Variants in GABRA3 observed in about 807,000 individuals in gnomAD.
The protein encoded by GABRA3 is gamma-aminobutyric acid type A receptor subunit alpha3, also known as gamma-aminobutyric acid receptor subunit alpha-3.
Under a neutral mutation model 30.1 loss-of-function variants are expected in GABRA3, and 10 were observed. The ratio of observed to expected loss-of-function variants is 0.33; its 90% confidence interval spans 0.20 to 0.56. GABRA3 has a LOEUF of 0.56. GABRA3 is among the 20% of genes least tolerant of loss of function. GABRA3 has a pLI of 0.89. For missense variants in GABRA3, 233 were observed against 392.0 expected, an observed-to-expected ratio of 0.59 and a Z score of 3.42; for synonymous variants, 151 against 146.8, an observed-to-expected ratio of 1.03 and a Z score of -0.21.
intron 1 of GABRA3, among the ~76,000 whole-genome samples, chrX:152,411,086 G>T (rs1290323086): frequency 8.9e-6 from 1 of 111,886 alleles, no homozygotes; most frequent in Non-Finnish European, 1.9e-5. Context: ...AAGGTGGGAA[G>T]ATCGCTTGCA....
intron 4 of GABRA3, among the ~76,000 whole-genome samples, chrX:152,268,886 A>AT (rs1159452653): frequency 9.0e-6 from 1 of 111,210 alleles, no homozygotes. Flanking sequence ...TTACTACTTA[A>AT]TTTTTTCATT....
chrX:152,424,296 CT>C (rs1212888626), intron 1 of GABRA3, among the ~76,000 whole-genome samples: 2 of 109,369 alleles, frequency 1.8e-5, no homozygotes, highest in South Asian at 4.0e-4. Context: ...ATTTTACCCC[CT>C]AACACCCCCT....
chrX:152,401,853 G>A (rs1929804681), intron 1 of GABRA3, among the ~76,000 whole-genome samples: 1 of 111,434 alleles, frequency 9.0e-6, no homozygotes, highest in Non-Finnish European at 1.9e-5. Flanking sequence ...TTTGGATAAG[G>A]CCATGTAGAA....
intron 1 of GABRA3, among the ~76,000 whole-genome samples, chrX:152,371,888 G>A (rs376265679): frequency 2.7e-5 from 3 of 111,336 alleles, no homozygotes; most frequent in African/African-American, 9.8e-5. Flanking sequence ...ACAAGAACAC[G>A]GGACCAAGGA....
chrX:152,432,616 C>A (rs901279511), intron 1 of GABRA3, among the ~76,000 whole-genome samples: 2 of 110,980 alleles, frequency 1.8e-5, no homozygotes, highest in African/African-American at 3.3e-5. Context: ...AACATCAAAT[C>A]TCCCTCCTAA....
At chrX:152,375,666 C>A (rs945363550) in intron 1 of GABRA3, among the ~76,000 whole-genome samples, 2 of 112,080 alleles carry the variant, frequency 1.8e-5, no homozygotes, top group African/African-American at 6.5e-5. Context: ...TGGGATCAAT[C>A]CACAAACAAT....
intron 3 of GABRA3, among the ~76,000 whole-genome samples, chrX:152,294,466 T>C (rs1421387951): frequency 9.0e-6 from 1 of 111,683 alleles, no homozygotes; most frequent in Non-Finnish European, 1.9e-5. Context: ...TGCCATGGTT[T>C]TCAGCTCCAT....
chrX:152,167,142 C>T lies in GABRA3; in HGVS notation c.*1086G>A, dbSNP rs1328212599. 3 of 110,657 alleles carry T rather than the reference C, an allele frequency of 2.7e-5. No individual in the cohort carries two copies. The highest frequency in any genetic ancestry group is 9.9e-5 in the African/African-American group (3 of 30,410). 9.1% of individuals were successfully genotyped at this position (110,657 alleles called of 1,213,427 possible). A position where few individuals can be genotyped will look rare whatever the true frequency, so the allele number is the denominator to read the frequency against. ...CGGCATCAACAGAGGACCGGAGGTT[C>T]CCGATATGGTGGGAGAAAAGTGCCT... On this transcript the variant is annotated 3_prime_UTR_variant, in exon 10 of 10. Transcript: ENST00000370314.
At chrX:152,278,854 T>C (rs1361905470) in intron 4 of GABRA3, among the ~76,000 whole-genome samples, 2 of 112,446 alleles carry the variant, frequency 1.8e-5, no homozygotes, top group Admixed American at 9.5e-5. Flanking sequence ...ATTTCTCTGA[T>C]TGCCACTGAT....
At chrX:152,397,399 C>CT (rs781612852) in intron 1 of GABRA3, among the ~76,000 whole-genome samples, 1 of 112,193 alleles carries the variant, frequency 8.9e-6, no homozygotes, top group East Asian at 2.8e-4. Flanking sequence ...AAACAAAAAT[C>CT]TTTTTCCTTT....
intron 3 of GABRA3, among the ~76,000 whole-genome samples, chrX:152,316,431 T>C (rs1939879229): frequency 8.9e-6 from 1 of 111,754 alleles, no homozygotes; most frequent in Non-Finnish European, 1.9e-5. Flanking sequence ...TTGGAAAGCA[T>C]ATTTGGGGGA....
chrX:152,426,566 T>G (rs1930519747), intron 1 of GABRA3, among the ~76,000 whole-genome samples: 1 of 111,778 alleles, frequency 8.9e-6, no homozygotes, highest in African/African-American at 3.2e-5. Flanking sequence ...AGATTCTATC[T>G]CACTTCTAAG....
chrX:152,366,361 C>T (rs1450358288), intron 1 of GABRA3, among the ~76,000 whole-genome samples: 3 of 111,660 alleles, frequency 2.7e-5, no homozygotes, highest in African/African-American at 6.5e-5. Context: ...ATGATGCATG[C>T]TTAGAAAACA....
At chrX:152,180,682 T>G in intron 9 of GABRA3, among the ~76,000 whole-genome samples, 1 of 112,207 alleles carries the variant, frequency 8.9e-6, no homozygotes, top group Non-Finnish European at 1.9e-5. Flanking sequence ...GCATTACATT[T>G]AAACCTTTAA....
intron 9 of GABRA3, among the ~76,000 whole-genome samples, chrX:152,184,809 C>T (rs777360102): frequency 9.0e-6 from 1 of 111,174 alleles, no homozygotes; most frequent in Non-Finnish European, 1.9e-5. Flanking sequence ...CTCATTTTAG[C>T]GGAATCTTCA....
chrX:152,290,809 A>G (rs1939397699), intron 3 of GABRA3, among the ~76,000 whole-genome samples: 1 of 111,933 alleles, frequency 8.9e-6, no homozygotes, highest in African/African-American at 3.3e-5. Flanking sequence ...GGTTTGTCAA[A>G]GATCAGATAG....
chrX:152,172,953 C>T (rs916524098), intron 9 of GABRA3, among the ~76,000 whole-genome samples: 18 of 59,488 alleles, frequency 3.0e-4, no homozygotes, highest in African/African-American at 1.2e-3. Flanking sequence ...AGTATGTGTA[C>T]ACACACACAC....
At chrX:152,247,949 T>C (rs1170568828) in intron 5 of GABRA3, among the ~76,000 whole-genome samples, 2 of 111,380 alleles carry the variant, frequency 1.8e-5, no homozygotes, top group African/African-American at 6.5e-5. Context: ...GTGGTGGTTG[T>C]TGTCGTTAAT....
At chrX:152,433,462 A>C (rs762062165) in intron 1 of GABRA3, among the ~76,000 whole-genome samples, 2 of 109,865 alleles carry the variant, frequency 1.8e-5, no homozygotes, top group East Asian at 5.7e-4. Flanking sequence ...TCAATTAGAA[A>C]ATATAATAGA....
Sources: gnomAD v4.1 joint callset for allele counts (sites outside exome capture counted in the v4.1 genomes callset) on GRCh38, gnomAD v4.1.1 for gene constraint, MANE v1.5 for transcripts, NCBI Gene and HGNC (gene_info 2026-07-23, HGNC 2026-07-21) for gene names.